GTF2F2: variants seen among roughly 807,000 people sequenced by gnomAD.
The protein encoded by GTF2F2 is general transcription factor IIF subunit 2.
In GTF2F2, 23 loss-of-function variants were observed where a neutral mutation model predicts 42.2. That is an observed-to-expected ratio of 0.55 (90% CI 0.39 to 0.77). The LOEUF (loss-of-function observed/expected upper bound fraction) is 0.77. GTF2F2 is among the 30% of genes least tolerant of loss of function. The pLI, the probability that GTF2F2 is intolerant of heterozygous loss-of-function variation, is 0.00. For missense variants in GTF2F2, 261 were observed against 287.2 expected (o/e 0.91, Z 0.66); for synonymous variants, 105 against 100.8 (o/e 1.04, Z -0.25).
intron 5 of GTF2F2, among the ~76,000 whole-genome samples, chr13:45,227,389 G>A (rs1178825662): frequency 6.6e-6 from 1 of 152,176 alleles, no homozygotes; most frequent in African/African-American, 2.4e-5. Context: ...TCCACAGGGA[G>A]AGCAAAATTC....
intron 4 of GTF2F2, among the ~76,000 whole-genome samples, chr13:45,166,296 T>C (rs902174011): frequency 6.6e-6 from 1 of 152,228 alleles, no homozygotes; most frequent in Non-Finnish European, 1.5e-5. Flanking sequence ...TTCTGTTTTC[T>C]GGTTTATGGT....
intron 4 of GTF2F2, among the ~76,000 whole-genome samples, chr13:45,173,250 C>CA (rs746547398): frequency 1.3e-5 from 2 of 152,122 alleles, no homozygotes; most frequent in East Asian, 3.9e-4. Context: ...ACCCTTTACT[C>CA]AGTTTTCCTC....
At chr13:45,256,145 A>G (rs1191915986) in intron 6 of GTF2F2, among the ~76,000 whole-genome samples, 3 of 152,096 alleles carry the variant, frequency 2.0e-5, no homozygotes, top group Non-Finnish European at 4.4e-5. Context: ...TTTCTTTTTT[A>G]TAAAATCTTC....
intron 5 of GTF2F2, among the ~76,000 whole-genome samples, chr13:45,222,804 T>G (rs921675515): frequency 9.8e-5 from 15 of 152,298 alleles, no homozygotes; most frequent in African/African-American, 3.1e-4. Flanking sequence ...CTGTGTAGTT[T>G]CAAAAAGATA....
chr13:45,129,490 G>C (rs1000883761), intron 1 of GTF2F2, among the ~76,000 whole-genome samples: 1 of 152,190 alleles, frequency 6.6e-6, no homozygotes, highest in African/African-American at 2.4e-5. Flanking sequence ...GATTACAGGC[G>C]TGAGCCACCA....
chr13:45,198,647 C>T (rs943578599), intron 4 of GTF2F2, among the ~76,000 whole-genome samples: 2 of 152,084 alleles, frequency 1.3e-5, no homozygotes, highest in Admixed American at 6.6e-5. Flanking sequence ...AAGCTGCTGT[C>T]AACTTTTTAC....
chr13:45,175,875 C>G (rs572805888), intron 4 of GTF2F2, among the ~76,000 whole-genome samples: 1 of 152,174 alleles, frequency 6.6e-6, no homozygotes, highest in African/African-American at 2.4e-5. Context: ...CCGCCCGCCT[C>G]GGCCTCCCAA....
chr13:45,169,971 G>C lies in GTF2F2; in HGVS notation c.304+18140G>C, dbSNP rs115910000. Among the ~76,000 whole-genome samples the C allele has an allele frequency of 6.5e-3, 984 of 152,254 alleles. 12 individuals are homozygous for C. Among genetic ancestry groups the C allele is most frequent in the African/African-American group, 0.023 (940 of 41,524 alleles). ...CTAGGTTTTTAACACAAACCAGAGA[G>C]TTATAGTTCCAACATTTATTTTATT... is the stretch of plus-strand genomic sequence containing the variant. On this transcript the variant is annotated intron_variant, in intron 4 of 7. Transcript: ENST00000340473.
intron 4 of GTF2F2, among the ~76,000 whole-genome samples, chr13:45,191,253 A>ATATATATATATATATATATATG (rs1566129375): frequency 7.2e-6 from 1 of 138,568 alleles, no homozygotes; most frequent in East Asian, 2.0e-4. Flanking sequence ...ATATATATAT[A>ATATATATATATATATATATATG]TAGCCATAAT....
intron 5 of GTF2F2, among the ~76,000 whole-genome samples, chr13:45,245,700 T>TATAC (rs1372154058): frequency 2.4e-4 from 16 of 65,498 alleles, no homozygotes; most frequent in African/African-American, 4.9e-4. Context: ...TATATATATA[T>TATAC]ACATATACAT....
chr13:45,194,595 C>G, intron 4 of GTF2F2: 1 of 1,580,942 alleles, frequency 6.3e-7, no homozygotes, highest in Non-Finnish European at 8.6e-7. Context: ...TCAGCTTGTT[C>G]TTCTTGGCTT....
intron 5 of GTF2F2, among the ~76,000 whole-genome samples, chr13:45,212,447 G>GTTTCTTTCTTTCTTTTCTTTTCTTTC (rs1555269186): frequency 0.011 from 513 of 45,646 alleles, 66 homozygotes; most frequent in East Asian, 0.016. Context: ...TTTCTTTCTT[G>GTTTCTTTCTTTCTTTTCTTTTCTTTC]TTTCTTTCTT....
At chr13:45,147,826 C>A (rs1870276037) in intron 2 of GTF2F2, among the ~76,000 whole-genome samples, 1 of 152,124 alleles carries the variant, frequency 6.6e-6, no homozygotes, top group South Asian at 2.1e-4. Flanking sequence ...TGGGCTATTC[C>A]CTTAGCCTGG....
At chr13:45,174,514 T>G (rs1227107715) in intron 4 of GTF2F2, among the ~76,000 whole-genome samples, 1 of 152,106 alleles carries the variant, frequency 6.6e-6, no homozygotes, top group Non-Finnish European at 1.5e-5. Flanking sequence ...ATTTTAGCAT[T>G]TAAGCCTTTA....
intron 4 of GTF2F2, among the ~76,000 whole-genome samples, chr13:45,192,641 G>A (rs1872707405): frequency 6.6e-6 from 1 of 152,136 alleles, no homozygotes; most frequent in Admixed American, 6.6e-5. Context: ...TTAAAGTTAA[G>A]TTTGTAGACT....
At chr13:45,282,660 A>G (rs1032018778) in intron 7 of GTF2F2, among the ~76,000 whole-genome samples, 1 of 152,150 alleles carries the variant, frequency 6.6e-6, no homozygotes, top group Non-Finnish European at 1.5e-5. Flanking sequence ...TCCCACCACC[A>G]TGCCTGGCTA....
chr13:45,175,875 C>T (rs572805888), intron 4 of GTF2F2, among the ~76,000 whole-genome samples: 11 of 152,292 alleles, frequency 7.2e-5, no homozygotes, highest in Non-Finnish European at 1.2e-4. Flanking sequence ...CCGCCCGCCT[C>T]GGCCTCCCAA....
chr13:45,226,713 A>G (rs1874375405), intron 5 of GTF2F2, among the ~76,000 whole-genome samples: 1 of 152,200 alleles, frequency 6.6e-6, no homozygotes, highest in Non-Finnish European at 1.5e-5. Context: ...TTAGTTGGGA[A>G]GAATTCACTT....
At chr13:45,232,292 C>G (rs1378058846) in intron 5 of GTF2F2, among the ~76,000 whole-genome samples, 1 of 152,014 alleles carries the variant, frequency 6.6e-6, no homozygotes, top group Non-Finnish European at 1.5e-5. Flanking sequence ...ATAAATAATT[C>G]TGGTTTTAAG....
Sources: gnomAD v4.1 joint callset for allele counts (sites outside exome capture counted in the v4.1 genomes callset) on GRCh38, gnomAD v4.1.1 for gene constraint, MANE v1.5 for transcripts, NCBI Gene and HGNC (gene_info 2026-07-23, HGNC 2026-07-21) for gene names.